The following PDE11A variants were observed in gnomAD, a reference collection of about 807,000 sequenced individuals.
PDE11A encodes dual 3',5'-cyclic-AMP and -GMP phosphodiesterase 11A.
PDE11A carries 100 observed loss-of-function variants against 100.5 expected under a neutral mutation model. That is an observed-to-expected ratio of 1.00 (90% confidence interval 0.85 to 1.18). The LOEUF is 1.18. Ranked by LOEUF, PDE11A falls within the 50% of genes most tolerant of loss-of-function variation. The pLI is 0.00. For missense variants in PDE11A, 1,141 were observed against 1,152.6 expected (o/e 0.99, Z 0.15); for synonymous variants, 381 against 420.8 (o/e 0.91, Z 1.16).
intron 13 of PDE11A, among the ~76,000 whole-genome samples, chr2:177,710,358 G>A (rs1256437580): frequency 6.6e-6 from 1 of 151,722 alleles, no homozygotes; most frequent in Non-Finnish European, 1.5e-5. Context: ...CTGCTGAGTG[G>A]TGCGGGGGAG....
chr2:177,680,676 T>G (rs2080849338), intron 16 of PDE11A, 150 bp downstream of exon 16: 2 of 506,788 alleles, frequency 3.9e-6, no homozygotes, highest in East Asian at 6.2e-5. Flanking sequence ...GTAATTTCTT[T>G]AATTATTCAA....
At position 177,625,330 on chromosome 2, in the gene PDE11A, G is replaced by C. The variant is rs973156629; in HGVS notation, c.*4077C>G. 11 of 152,628 alleles carry C rather than the reference G, an allele frequency of 7.2e-5. No homozygotes were observed. The highest frequency in any genetic ancestry group is 1.5e-4 in the Non-Finnish European group (10 of 68,036). 9.5% of individuals were successfully genotyped at this position (152,628 alleles called of 1,614,324 possible). On this transcript the variant is annotated 3_prime_UTR_variant, in exon 20 of 20. Coordinates refer to ENST00000286063, the MANE Select transcript of PDE11A (RefSeq NM_016953.4). ...CCTTTGGTGTGGGGACTGAATAAAA[G>C]TCAGTGCTTTTATGTAATAGATGGA...
chr2:177,960,489 A>T (rs2085618257), intron 2 of PDE11A, among the ~76,000 whole-genome samples: 1 of 152,238 alleles, frequency 6.6e-6, no homozygotes, highest in East Asian at 1.9e-4. Context: ...ACTTTTTTAT[A>T]GCCAAACTTG....
At chr2:177,632,777 T>G (rs2079973400) in intron 19 of PDE11A, among the ~76,000 whole-genome samples, 1 of 152,202 alleles carries the variant, frequency 6.6e-6, no homozygotes, top group Non-Finnish European at 1.5e-5. Flanking sequence ...GTACCGAACT[T>G]TAGAGGTTGT....
intron 19 of PDE11A, among the ~76,000 whole-genome samples, chr2:177,642,719 A>T (rs988656875): frequency 6.6e-6 from 1 of 152,182 alleles, no homozygotes; most frequent in Non-Finnish European, 1.5e-5. Context: ...TTGCTGTTGG[A>T]ATATTGATAT....
chr2:177,800,661 A>T (rs1399323125), intron 9 of PDE11A, among the ~76,000 whole-genome samples: 1 of 152,222 alleles, frequency 6.6e-6, no homozygotes, highest in Non-Finnish European at 1.5e-5. Flanking sequence ...GGTACTGGGC[A>T]CATAATGGTG....
intron 2 of PDE11A, among the ~76,000 whole-genome samples, chr2:177,969,482 T>C (rs1286706733): frequency 6.6e-6 from 1 of 152,174 alleles, no homozygotes; most frequent in Non-Finnish European, 1.5e-5. Context: ...AATTTCACTG[T>C]TAATGTTGAT....
At chr2:177,825,828 C>T (rs1179461745) in intron 6 of PDE11A, among the ~76,000 whole-genome samples, 1 of 152,196 alleles carries the variant, frequency 6.6e-6, no homozygotes, top group Non-Finnish European at 1.5e-5. Flanking sequence ...ATCTCCTGCA[C>T]ACCAAAATGG....
chr2:177,994,573 C>T (rs530343465), intron 2 of PDE11A, among the ~76,000 whole-genome samples: 5 of 152,282 alleles, frequency 3.3e-5, no homozygotes, highest in South Asian at 2.1e-4. Flanking sequence ...ATATACTGAT[C>T]CTAGTGAAGA....
intron 2 of PDE11A, among the ~76,000 whole-genome samples, chr2:178,012,165 C>A: frequency 6.6e-6 from 1 of 152,118 alleles, no homozygotes; most frequent in East Asian, 1.9e-4. Flanking sequence ...AGAAGCAAAA[C>A]TAGAGTAGGG....
At chr2:177,888,565 A>T (rs2084478103) in intron 4 of PDE11A, 1 of 204,806 alleles carries the variant, frequency 4.9e-6, no homozygotes, top group East Asian at 1.8e-4. Context: ...CAAAAATCAA[A>T]AAAGGAGGTT....
chr2:178,075,315 G>A (rs761666042), upstream of PDE11A, among the ~76,000 whole-genome samples: 8 of 152,136 alleles, frequency 5.3e-5, no homozygotes, highest in Admixed American at 5.2e-4. Context: ...CACTTTGGGA[G>A]GATGAGGCAG....
chr2:177,699,574 C>G (rs1020042056), intron 14 of PDE11A, among the ~76,000 whole-genome samples: 2 of 152,114 alleles, frequency 1.3e-5, no homozygotes, highest in African/African-American at 4.8e-5. Context: ...TTTGAGTCTC[C>G]CTGAAATACT....
At chr2:177,738,633 A>G (rs2081828729) in intron 10 of PDE11A, among the ~76,000 whole-genome samples, 1 of 152,152 alleles carries the variant, frequency 6.6e-6, no homozygotes, top group Non-Finnish European at 1.5e-5. Flanking sequence ...TCCTGCCTAC[A>G]TCAACCTCAA....
At chr2:177,753,460 G>A (rs2082050418) in intron 10 of PDE11A, among the ~76,000 whole-genome samples, 1 of 151,916 alleles carries the variant, frequency 6.6e-6, no homozygotes, top group Non-Finnish European at 1.5e-5. Context: ...TAGACAGGTG[G>A]CACTGCAGCC....
At chr2:177,814,604 T>C (rs2083007404) in intron 9 of PDE11A, among the ~76,000 whole-genome samples, 1 of 152,170 alleles carries the variant, frequency 6.6e-6, no homozygotes, top group African/African-American at 2.4e-5. Context: ...AACAAAGAAG[T>C]CAATGCCTAT....
intron 2 of PDE11A, chr2:177,953,123 T>G (rs2085523775): frequency 1.3e-5 from 2 of 152,070 alleles, no homozygotes; most frequent in South Asian, 4.2e-4. Context: ...GTGTAGAAAT[T>G]TTATAAGATA....
At chr2:177,830,308 G>A (rs2083288148) in intron 6 of PDE11A, among the ~76,000 whole-genome samples, 2 of 152,196 alleles carry the variant, frequency 1.3e-5, no homozygotes, top group African/African-American at 4.8e-5. Flanking sequence ...ATAATAATCA[G>A]TGTTGTTTTG....
intron 2 of PDE11A, among the ~76,000 whole-genome samples, chr2:177,937,337 T>TC (rs1553491578): frequency 6.9e-6 from 1 of 145,974 alleles, no homozygotes; most frequent in Non-Finnish European, 1.5e-5. Flanking sequence ...TTTTTTTTTT[T>TC]GATGGAGTCT....
Sources: gnomAD v4.1 joint callset for allele counts (sites outside exome capture counted in the v4.1 genomes callset) on GRCh38, gnomAD v4.1.1 for gene constraint, MANE v1.5 for transcripts, NCBI Gene and HGNC (gene_info 2026-07-23, HGNC 2026-07-21) for gene names.